The following ESRRG variants were observed in gnomAD, a reference collection of about 807,000 sequenced individuals.
ESRRG encodes the protein estrogen-related receptor gamma.
ESRRG carries 13 observed loss-of-function variants against 44.0 expected under a neutral mutation model. The ratio of observed to expected loss-of-function variants is 0.30; its 90% CI spans 0.19 to 0.47. The LOEUF is 0.47. ESRRG is among the 20% of genes least tolerant of loss of function. The pLI, the probability that ESRRG is intolerant of heterozygous loss-of-function variation, is 1.00. For synonymous variants in ESRRG, 215 were observed against 214.6 expected (o/e 1.00, Z -0.02); for missense variants, 395 against 580.6 (o/e 0.68, Z 3.29).
At chr1:216,712,398 A>G (rs930559234) in intron 1 of ESRRG, among the ~76,000 whole-genome samples, 2 of 152,194 alleles carry the variant, frequency 1.3e-5, no homozygotes, top group South Asian at 4.1e-4. Flanking sequence ...TTTTTTTTCC[A>G]GCGACTTTCT....
chr1:216,766,818 T>C (rs1576321364), intron 2 of ESRRG, among the ~76,000 whole-genome samples: 1 of 152,286 alleles, frequency 6.6e-6, no homozygotes, highest in South Asian at 2.1e-4. Context: ...AATTCTGCTC[T>C]CTGGGGTCAG....
rs981785951 is a variant in ESRRG at position 216,971,886 on chromosome 1, C to T, written c.-105-32213G>A. ...AAGATTATCTCTTTTCCTTCAGCTA[C>T]GCTAATCTCTTCTAGCCTGAAGGCC... On this transcript the variant is annotated intron_variant, in intron 1 of 7. Transcript: ENST00000359162. Among the ~76,000 whole-genome samples, 10 of 152,252 alleles carry T rather than the reference C, an allele frequency of 6.6e-5. No individual in the cohort carries two copies. The East Asian group carries it at 7.7e-4, about 12-fold the overall frequency.
chr1:216,579,896 C>A (rs1347994142), intron 3 of ESRRG, among the ~76,000 whole-genome samples: 1 of 152,166 alleles, frequency 6.6e-6, no homozygotes, highest in Non-Finnish European at 1.5e-5. Flanking sequence ...ATTTCTTAGT[C>A]TTTTCTGTCA....
intron 1 of ESRRG, among the ~76,000 whole-genome samples, chr1:217,032,491 A>AT (rs2082220431): frequency 1.3e-5 from 2 of 152,172 alleles, no homozygotes; most frequent in Non-Finnish European, 1.5e-5. Flanking sequence ...CATAAGATGG[A>AT]TTTTTTAAAG....
chr1:216,673,252 C>G (rs1288086887), intron 2 of ESRRG, among the ~76,000 whole-genome samples: 1 of 152,186 alleles, frequency 6.6e-6, no homozygotes. Flanking sequence ...CGTATTTGGC[C>G]ACAGAAAGGA....
chr1:216,889,998 G>A (rs2057553639), intron 2 of ESRRG, among the ~76,000 whole-genome samples: 1 of 152,102 alleles, frequency 6.6e-6, no homozygotes, highest in Non-Finnish European at 1.5e-5. Flanking sequence ...GGGTATGGTG[G>A]CTCACATCTT....
rs1440905650 is a variant in ESRRG, at chr1:216,614,639, C to T, written c.589+36334G>A. Among the ~76,000 whole-genome samples the T allele has an allele frequency of 3.3e-5, 5 of 152,166 alleles. No individual in the cohort carries two copies. In the East Asian group the frequency reaches 7.7e-4, roughly 23 times the overall value. On this transcript the variant is annotated intron_variant, in intron 3 of 6. Coordinates refer to ENST00000408911, the MANE Select transcript of ESRRG (RefSeq NM_001438.4). The stretch of plus-strand genomic sequence containing the variant: ...ATGTCAGTATCAAAATAAAGTAATG[C>T]ATACAGTCTTGTCAGTTCTAGTGCA...
At chr1:216,592,647 T>G (rs2057857765) in intron 3 of ESRRG, among the ~76,000 whole-genome samples, 1 of 152,100 alleles carries the variant, frequency 6.6e-6, no homozygotes, top group African/African-American at 2.4e-5. Context: ...ATTACAGGCA[T>G]GCACCACCAC....
chr1:216,655,956 T>A (rs12092848), intron 2 of ESRRG, among the ~76,000 whole-genome samples: 2,537 of 152,288 alleles, frequency 0.017, 60 homozygotes, highest in African/African-American at 0.058. Context: ...AAAAATGTGC[T>A]GCCCCAAGCA....
intron 1 of ESRRG, among the ~76,000 whole-genome samples, chr1:216,967,392 C>G (rs1339999997): frequency 6.6e-6 from 1 of 152,064 alleles, no homozygotes; most frequent in Non-Finnish European, 1.5e-5. Context: ...ACCTCTTCAC[C>G]CTGCAGTCCC....
intron 2 of ESRRG, among the ~76,000 whole-genome samples, chr1:216,652,210 C>T (rs1221838551): frequency 6.6e-6 from 1 of 152,178 alleles, no homozygotes; most frequent in African/African-American, 2.4e-5. Flanking sequence ...TTGCAAAACT[C>T]AGGGTCCGTC....
At chr1:216,811,236 TATC>T (rs145426723) in intron 2 of ESRRG, among the ~76,000 whole-genome samples, 2,417 of 152,236 alleles carry the variant, frequency 0.016, 53 homozygotes, top group East Asian at 0.06. Flanking sequence ...ATTTAGTCGT[TATC>T]ATCTCTTTAT....
intron 1 of ESRRG, among the ~76,000 whole-genome samples, chr1:216,716,822 C>G (rs1169309533): frequency 1.3e-5 from 2 of 151,786 alleles, no homozygotes; most frequent in Admixed American, 6.6e-5. Flanking sequence ...TGAAAGAATT[C>G]CATATAGCCA....
chr1:216,983,378 T>G (rs1330048696), intron 1 of ESRRG, among the ~76,000 whole-genome samples: 1 of 151,958 alleles, frequency 6.6e-6, no homozygotes, highest in East Asian at 1.9e-4. Context: ...ACTATAGGCA[T>G]GCGCCACCAC....
chr1:216,569,081 A>AAAGGAAGGAAGGAAGGAAGGAAGGAAGG (rs56064287), intron 3 of ESRRG, among the ~76,000 whole-genome samples: 2 of 98,140 alleles, frequency 2.0e-5, no homozygotes, highest in Admixed American at 1.2e-4. Flanking sequence ...AGACAGAGAG[A>AAAGGAAGGAAGGAAGGAAGGAAGGAAGG]AAGGAAGGAA....
At position 216,688,712 on chromosome 1, in the gene ESRRG, T is replaced by TGA. The variant is rs529645227; in HGVS notation, c.57-11223_57-11222dup. On this transcript the variant is annotated intron_variant, in intron 1 of 6. Transcript: ENST00000408911. ...TCATATTTGGGGTAAAAAAAAAAGATGATATAAAAGTAGGCCGGGGACATG... is the reference window on the plus strand; with the variant it reads ...TCATATTTGGGGTAAAAAAAAAAGATGAGATATAAAAGTAGGCCGGGGACATG... Among the ~76,000 whole-genome samples, 351 of 151,932 alleles carry TGA rather than the reference T, an allele frequency of 2.3e-3. 4 individuals carry two copies. The highest frequency in any genetic ancestry group is 1.1e-3 in the Non-Finnish European group (74 of 67,968).
intron 3 of ESRRG, among the ~76,000 whole-genome samples, chr1:216,637,324 G>A (rs1004053006): frequency 2.0e-5 from 3 of 152,092 alleles, no homozygotes; most frequent in Non-Finnish European, 4.4e-5. Flanking sequence ...GTCCTGCAAA[G>A]AGCAATATTT....
At chr1:216,898,178 G>A (rs777315943) in intron 2 of ESRRG, among the ~76,000 whole-genome samples, 27 of 152,212 alleles carry the variant, frequency 1.8e-4, no homozygotes, top group East Asian at 3.9e-4. Context: ...TAACATTTCA[G>A]CAACTCAGTT....
At chr1:217,074,181 G>A (rs575794091) in intron 1 of ESRRG, among the ~76,000 whole-genome samples, 17 of 151,682 alleles carry the variant, frequency 1.1e-4, no homozygotes, top group African/African-American at 4.1e-4. Context: ...CCCAGTAGCT[G>A]AGATTACAGG....
Sources: allele counts gnomAD v4.1 joint callset (sites outside exome capture counted in the v4.1 genomes callset), GRCh38; gene constraint gnomAD v4.1.1; transcripts MANE v1.5; gene names NCBI Gene and HGNC (gene_info 2026-07-23, HGNC 2026-07-21).